NOTCH2: variants seen among roughly 807,000 people sequenced by gnomAD.
NOTCH2 encodes notch receptor 2.
A neutral mutation model predicts 235.8 loss-of-function variants in NOTCH2; 29 were observed. That is an observed-to-expected ratio of 0.12 (90% CI 0.09 to 0.17). NOTCH2 has a LOEUF of 0.17. Ranked by LOEUF, NOTCH2 falls within the 10% of genes least tolerant of loss-of-function variation. The pLI is 1.00. For synonymous variants in NOTCH2, 1,086 were observed against 1,141.5 expected, an observed-to-expected ratio of 0.95 and a Z score of 0.98; for missense variants, 2,285 against 3,150.2, an observed-to-expected ratio of 0.73 and a Z score of 6.57.
intron 17 of NOTCH2, among the ~76,000 whole-genome samples, chr1:119,947,182 A>G (rs182479893): frequency 2.1e-3 from 323 of 152,316 alleles, no homozygotes; most frequent in Admixed American, 6.9e-3. Context: ...ACATGCATAC[A>G]CTGAATTTCA....
chr1:119,919,826 C>T (rs1048642729), intron 30 of NOTCH2, among the ~76,000 whole-genome samples: 1 of 152,188 alleles, frequency 6.6e-6, no homozygotes, highest in Non-Finnish European at 1.5e-5. Flanking sequence ...TCTTTTTAAG[C>T]TGGGGGCTCT....
chr1:120,055,513 C>A (rs1655108291), intron 1 of NOTCH2, among the ~76,000 whole-genome samples: 1 of 106,666 alleles, frequency 9.4e-6, no homozygotes, highest in African/African-American at 3.7e-5. Flanking sequence ...ACATATGGAC[C>A]ATTTACATAT....
chr1:119,919,821 T>G (rs990464398), intron 30 of NOTCH2, among the ~76,000 whole-genome samples: 1 of 152,244 alleles, frequency 6.6e-6, no homozygotes, highest in Admixed American at 6.5e-5. Flanking sequence ...ACAAGTCTTT[T>G]TAAGCTGGGG....
At chr1:120,013,918 T>C (rs1188208389) in intron 2 of NOTCH2, among the ~76,000 whole-genome samples, 3 of 151,858 alleles carry the variant, frequency 2.0e-5, no homozygotes, top group African/African-American at 7.3e-5. Flanking sequence ...TACATATCTA[T>C]AATTCCATTA....
Position 119,913,139 on chromosome 1 carries a change from A to G in NOTCH2, c.*2167T>C, listed in dbSNP as rs1021923242. On this transcript the variant is annotated 3_prime_UTR_variant, in exon 34 of 34. Transcript: ENST00000256646. ...ATAATAAATGGGTCCAAGGGCAGAG[A>G]GTCACCATTTAGAATGATAAAATGT... The G allele has an allele frequency of 1.7e-5, 4 of 233,354 alleles. No individual in the cohort carries two copies. The East Asian group carries it at 2.4e-4, about 14-fold the overall frequency. The allele number at this position is 233,354 out of a possible 1,614,324, so 14.5% of individuals were successfully genotyped here.
chr1:119,932,851 C>A (rs1457018719), intron 22 of NOTCH2, among the ~76,000 whole-genome samples: 1 of 151,990 alleles, frequency 6.6e-6, no homozygotes, highest in East Asian at 1.9e-4. Flanking sequence ...TAGAAAGAAA[C>A]ACAAACAACC....
chr1:119,980,247 T>C (rs1651762167), intron 5 of NOTCH2, among the ~76,000 whole-genome samples: 1 of 152,226 alleles, frequency 6.6e-6, no homozygotes, highest in African/African-American at 2.4e-5. Context: ...TCTCTGACTA[T>C]AACTTTCCCA....
chr1:119,951,294 G>A (rs1650462553), intron 14 of NOTCH2, among the ~76,000 whole-genome samples: 1 of 152,102 alleles, frequency 6.6e-6, no homozygotes, highest in African/African-American at 2.4e-5. Flanking sequence ...AGAACCACAG[G>A]TGCATGCCAT....
Position 120,069,396 on chromosome 1 carries a change from A to G in NOTCH2, c.11T>C (p.Leu4Pro), listed in dbSNP as rs1553217948. Residue 4 changes from leucine to proline, a missense_variant, in exon 1 of 34, where the codon CTG (leucine) becomes CCG (proline). Coordinates refer to ENST00000256646, the MANE Select transcript of NOTCH2 (RefSeq NM_024408.4). Reference sequence around the variant, plus strand: ...CAGCGCCCACAGCAGAGCGGGGCGCAGGGCGGGCATCTTCTCGGTCGCCTC... The same window carrying G: ...CAGCGCCCACAGCAGAGCGGGGCGCGGGGCGGGCATCTTCTCGGTCGCCTC... MPA[L>P]RPALLWALLA... is the part of the protein sequence containing the mutation. 3 of 1,548,418 alleles carry G rather than the reference A, an allele frequency of 1.9e-6. No homozygotes were observed. Among genetic ancestry groups the G allele is most frequent in the African/African-American group, 1.4e-5 (1 of 72,460 alleles).
At chr1:119,974,568 ATACTCAAATC>A (rs1651488564) in intron 5 of NOTCH2, among the ~76,000 whole-genome samples, 1 of 151,716 alleles carries the variant, frequency 6.6e-6, no homozygotes, top group Non-Finnish European at 1.5e-5. Flanking sequence ...CCTCGTAAAT[ATACTCAAATC>A]TACACCTCTC....
intron 3 of NOTCH2, among the ~76,000 whole-genome samples, chr1:119,998,646 CTTA>C (rs1302074981): frequency 6.6e-6 from 1 of 151,968 alleles, no homozygotes; most frequent in Non-Finnish European, 1.5e-5. Flanking sequence ...GTCTAAGTCA[CTTA>C]TTATTTAAAC....
intron 5 of NOTCH2, among the ~76,000 whole-genome samples, chr1:119,974,960 G>A (rs1468888066): frequency 6.6e-6 from 1 of 152,182 alleles, no homozygotes; most frequent in Non-Finnish European, 1.5e-5. Flanking sequence ...GTCAGTGGTG[G>A]AACTGACCTT....
chr1:119,981,596 TCCTG>T (rs1488064832), intron 5 of NOTCH2, among the ~76,000 whole-genome samples: 4 of 152,088 alleles, frequency 2.6e-5, no homozygotes, highest in Admixed American at 2.0e-4. Context: ...GCAGGAAAGA[TCCTG>T]CCTGCAGTCT....
chr1:119,916,508 G>A lies in NOTCH2; in HGVS notation c.6214C>T (p.Pro2072Ser). The change falls in exon 34 of 34, where the codon CCA becomes TCA. Residue 2072 changes from proline to serine, a missense_variant. Pro to Ser is a moderately conservative substitution (Grantham distance 74). Coordinates refer to ENST00000256646, the MANE Select transcript of NOTCH2 (RefSeq NM_024408.4). ...LDEYNVTPSPPGTVLTSALSP... is the reference protein window; with the variant it reads ...LDEYNVTPSPSGTVLTSALSP... The stretch of plus-strand genomic sequence containing the variant: ...AGAGCAGAAGTCAACACGGTGCCTG[G>A]AGGGCTTGGGGTCACATTGTATTCA... 6.2e-7 allele frequency: 1 copy of A among 1,612,542 alleles called. No individual in the cohort carries two copies. The highest frequency in any genetic ancestry group is 2.2e-5 in the East Asian group (1 of 44,850).
At chr1:119,950,214 G>A (rs917300907) in intron 15 of NOTCH2, 5 of 341,948 alleles carry the variant, frequency 1.5e-5, no homozygotes, top group Non-Finnish European at 2.9e-5. Context: ...AATCCTAGAT[G>A]TACTACTTAC....
chr1:119,976,953 C>T (rs975494550), intron 5 of NOTCH2, among the ~76,000 whole-genome samples: 3 of 152,066 alleles, frequency 2.0e-5, no homozygotes, highest in Admixed American at 6.6e-5. Flanking sequence ...ACAATTAGTT[C>T]TGCCTATTAA....
intron 7 of NOTCH2, 54 bp from the exon 8 acceptor site, chr1:119,967,675 T>G: frequency 6.7e-7 from 1 of 1,498,204 alleles, no homozygotes; most frequent in Non-Finnish European, 9.3e-7. Flanking sequence ...TTTCCACAAA[T>G]GTGAACAATA....
Position 119,962,081 on chromosome 1 carries a change from G to A in NOTCH2, c.1915+1493C>T, listed in dbSNP as rs782670388. On this transcript the variant is annotated intron_variant, in intron 11 of 33. Coordinates refer to ENST00000256646, the MANE Select transcript of NOTCH2 (RefSeq NM_024408.4). ...TCTTTGGCAGGTTCTGACAGATTCCGGGCCTTCCTTTCCATGCTGCCTACA... is the reference window on the plus strand; with the variant it reads ...TCTTTGGCAGGTTCTGACAGATTCCAGGCCTTCCTTTCCATGCTGCCTACA... 5.3e-5 allele frequency among the ~76,000 whole-genome samples: 8 copies of A among 152,104 alleles called. No individual in the cohort carries two copies. The East Asian group carries it at 9.7e-4, about 18-fold the overall frequency.
In NOTCH2 at chr1:119,951,730, T is replaced by C. The variant is rs1289161239; in HGVS notation, c.2366-893A>G. On this transcript the variant is annotated intron_variant, in intron 14 of 33. Coordinates refer to ENST00000256646, the MANE Select transcript of NOTCH2 (RefSeq NM_024408.4). ...ATACTGCACACCTTTGCATCTCCAA[T>C]AGGGCCTGGCACAGAGCCTTAAAGT... Among the ~76,000 whole-genome samples the C allele has an allele frequency of 2.6e-5, 4 of 152,316 alleles. No homozygotes were observed. In the East Asian group the frequency reaches 7.7e-4, roughly 29 times the overall value.
Sources: gnomAD v4.1 joint callset for allele counts (sites outside exome capture counted in the v4.1 genomes callset) on GRCh38, gnomAD v4.1.1 for gene constraint, MANE v1.5 for transcripts, NCBI Gene and HGNC (gene_info 2026-07-23, HGNC 2026-07-21) for gene names.